The following PLEC variants were observed in gnomAD, a reference collection of about 807,000 sequenced individuals.
PLEC encodes the protein hemidesmosomal protein 1.
PLEC carries 216 observed loss-of-function variants against 392.8 expected under a neutral mutation model. The observed-to-expected ratio is 0.55, with a 90% CI of 0.49 to 0.62. PLEC has a LOEUF of 0.62. Ranked by LOEUF, PLEC falls within the 20% of genes least tolerant of loss-of-function variation. The probability of loss-of-function intolerance (pLI) is 0.00; values close to 1 mark genes in which losing one functional copy is unlikely to be tolerated. For missense variants in PLEC, 6,863 were observed against 6,563.4 expected (o/e 1.05, Z -1.58); for synonymous variants, 3,621 against 2,980.6 (o/e 1.21, Z -7.00).
chr8:143,926,678 G>A, intron 30 of PLEC, 106 bp downstream of exon 30: 1 of 938,242 alleles, frequency 1.1e-6, no homozygotes, highest in Non-Finnish European at 1.7e-6. Flanking sequence ...GGGGAGAGTG[G>A]GGAGGGCCAC....
At chr8:143,933,414 G>A (rs1256452538) in intron 12 of PLEC, 63 bp from the exon 13 acceptor site, 38 of 1,587,028 alleles carry the variant, frequency 2.4e-5, no homozygotes, top group Non-Finnish European at 3.1e-5. Flanking sequence ...CAGGGGCCCC[G>A]GCCAAGACGG....
rs1392153087 is a variant in PLEC at position 143,969,848 on chromosome 8, G to A, written c.70+3555C>T. ...GAGAGGGCAGCAGGGGTGAGAATGAGGCCGGGGTGAGTACCGTTGGTGAGT... is the reference window on the plus strand; with the variant it reads ...GAGAGGGCAGCAGGGGTGAGAATGAAGCCGGGGTGAGTACCGTTGGTGAGT... On this transcript the variant is annotated intron_variant, in intron 1 of 31. Coordinates refer to the PLEC transcript ENST00000356346. This position sits in a 1 kb window ranked among gnomAD's most constrained non-coding sequence, Gnocchi z 5.1. 6.6e-6 allele frequency among the ~76,000 whole-genome samples: 1 copy of A among 151,834 alleles called. No homozygotes were observed. Among genetic ancestry groups the A allele is most frequent in the African/African-American group, 2.4e-5 (1 of 41,306 alleles).
intron 1 of PLEC, chr8:143,946,488 A>G (rs1035036678): frequency 3.2e-5 from 29 of 909,734 alleles, no homozygotes; most frequent in African/African-American, 5.2e-5. Flanking sequence ...GGGCCCACTC[A>G]TGCCCTGGTA....
chr8:143,958,132 A>G (rs956158704), upstream of PLEC, among the ~76,000 whole-genome samples: 14 of 151,058 alleles, frequency 9.3e-5, no homozygotes, highest in Non-Finnish European at 7.4e-5. The surrounding 1 kb of genome is among the most constrained non-coding windows in gnomAD (Gnocchi z 4.9). Flanking sequence ...CCTTGGCCCA[A>G]CAACAGCCCG....
Position 143,919,453 on chromosome 8 carries a change from A to T in PLEC, c.10368T>A (p.Val3456=), listed in dbSNP as rs538384389. Residue 3456 remains valine (V), a synonymous_variant, in exon 32 of 32, where the codon GTT becomes GTA. Transcript: ENST00000345136. ...SLFQAMQKGL[V]LRQHGIRLLE... ...GCAGGCGGATGCCGTGCTGCCGGAG[A>T]ACCAGGCCCTTCTGCATGGCCTGGA... 5.1e-5 allele frequency: 83 copies of T among 1,613,178 alleles called. No homozygotes were observed. In the East Asian group the frequency reaches 6.2e-4, roughly 12 times the overall value.
At position 143,922,741 on chromosome 8, in the gene PLEC, C is replaced by T. The variant is rs374517570; in HGVS notation, c.7188G>A (p.Gln2396=). ...KLRVAEMSRA[Q]ARAEEDAQRF... is the part of the protein sequence containing the mutation. ...GCTGGGCGTCCTCCTCAGCGCGGGC[C>T]TGGGCTCGGCTCATCTCGGCCACAC... The change falls in exon 31 of 32, where the codon CAG becomes CAA. Residue 2396 remains glutamine (Q), a synonymous_variant. Coordinates refer to ENST00000345136, the MANE Select transcript of PLEC (RefSeq NM_201384.3). 59 of 1,610,492 alleles carry T rather than the reference C, an allele frequency of 3.7e-5. No individual in the cohort carries two copies. Among genetic ancestry groups the T allele is most frequent in the Non-Finnish European group, 7.6e-6 (9 of 1,179,620 alleles).
At chr8:143,950,803 G>T in exon 1 of PLEC, 1 of 1,511,856 alleles carries the variant, frequency 6.6e-7, no homozygotes, top group Non-Finnish European at 8.8e-7. Flanking sequence ...GCGCTACAGG[G>T]TGTGACAGCG....
intron 1 of PLEC, among the ~76,000 whole-genome samples, chr8:143,970,819 T>C (rs1833388506): frequency 6.6e-6 from 1 of 152,216 alleles, no homozygotes; most frequent in African/African-American, 2.4e-5. Context: ...CTCTATGAGC[T>C]GTCACAGGCC....
rs371511422 is a variant in PLEC, at chr8:143,927,448, C to T, written c.3718G>A (p.Asp1240Asn). The change falls in exon 27 of 32, where the codon GAC (aspartate) becomes AAC (asparagine). Residue 1240 changes from aspartate (D) to asparagine (N), a missense_variant. Asp to Asn is a conservative substitution (Grantham distance 23, BLOSUM62 1). Transcript: ENST00000345136. ...AGCTGCTCCCGCACAGCCTGGCTGT[C>T]GGCCAGCGGCATGGCCTGGATCTGC... Reference protein sequence around the residue: ...QEQIQAMPLADSQAVREQLRQ... With the variant: ...QEQIQAMPLANSQAVREQLRQ... 21 of 1,598,826 alleles carry T rather than the reference C, an allele frequency of 1.3e-5. No homozygotes were observed. The South Asian group carries it at 1.4e-4, about 11-fold the overall frequency.
In PLEC at chr8:143,919,332, C is replaced by A; in HGVS notation, c.10489G>T (p.Glu3497Ter). The change falls in exon 32 of 32, where the codon GAG becomes TAG. Residue 3497 changes from glutamate (E) to a stop codon, truncating the protein, a stop_gained. Coordinates refer to ENST00000345136, the MANE Select transcript of PLEC (RefSeq NM_201384.3). LOFTEE classifies it high-confidence loss of function. ...VAYQRGYFSE[E>*]MNRVLADPSD... ...GGGTCCGCCAGGACGCGGTTCATCT[C>A]CTCACTGAAGTAGCCGCGCTGGTAG... The A allele has an allele frequency of 6.2e-7, 1 of 1,613,970 alleles. No individual in the cohort carries two copies. The highest frequency in any genetic ancestry group is 8.5e-7 in the Non-Finnish European group (1 of 1,180,042).
At chr8:143,972,430 C>G (rs1463814573) in intron 1 of PLEC, among the ~76,000 whole-genome samples, 1 of 152,182 alleles carries the variant, frequency 6.6e-6, no homozygotes, top group African/African-American at 2.4e-5. Context: ...CTGGAGGACG[C>G]CTGAAGGAGA....
chr8:143,933,188 G>T lies in PLEC; in HGVS notation c.1418+9C>A. 6.2e-7 allele frequency: 1 copy of T among 1,611,878 alleles called. No individual in the cohort carries two copies. Among genetic ancestry groups the T allele is most frequent in the South Asian group, 1.1e-5 (1 of 91,024 alleles). ...ACCTGGGCTTCAGGGAGGGCAGGGC[G>T]GGGCCCACCTGCGGTACATCTGCTC... On this transcript the variant is annotated intron_variant, in intron 13 of 31. Transcript: ENST00000345136.
intron 2 of PLEC, 163 bp downstream of exon 2, chr8:143,938,468 G>A: frequency 6.5e-7 from 1 of 1,546,856 alleles, no homozygotes; most frequent in Non-Finnish European, 8.7e-7. Context: ...GAGAGAGGCA[G>A]GAGCAGGCGT....
rs368335274 is a variant in PLEC at position 143,921,803 on chromosome 8, G to A, written c.8018C>T (p.Ala2673Val). The change falls in exon 32 of 32, where the codon GCG becomes GTG. Residue 2673 changes from alanine (A) to valine (V), a missense_variant. By Grantham distance (64) the Ala-to-Val change is moderately conservative. Coordinates refer to ENST00000345136, the MANE Select transcript of PLEC (RefSeq NM_201384.3). The stretch of plus-strand genomic sequence containing the variant: ...CTCGTCCACCGTGGTGTGGCCCTGC[G>A]CCAACCGCTGCAGCTCCTCCGCACT... ...ILSAEELQRL[A>V]QGHTTVDELA... 1.1e-5 allele frequency: 18 copies of A among 1,609,280 alleles called. No individual in the cohort carries two copies. Among genetic ancestry groups the A allele is most frequent in the African/African-American group, 1.1e-4 (8 of 74,932 alleles).
rs1828374474 is a variant in PLEC, at chr8:143,934,410, A to T, written c.1077T>A (p.Pro359=). 1 of 1,611,736 alleles carries T rather than the reference A, an allele frequency of 6.2e-7. No homozygotes were observed. The highest frequency in any genetic ancestry group is 1.3e-5 in the African/African-American group (1 of 75,038). ...AVQAGQLKVP[P]GYHPLDVEKE... ...TCTCCACATCCAGCGGGTGGTAGCC[A>T]GGGGGCACCTTGAGCTGGCCTGCTT... The change falls in exon 11 of 32, where the codon CCT becomes CCA. Residue 359 remains proline, a synonymous_variant. Coordinates refer to ENST00000345136, the MANE Select transcript of PLEC (RefSeq NM_201384.3).
At position 143,920,074 on chromosome 8, in the gene PLEC, C is replaced by T. The variant is rs782264733; in HGVS notation, c.9747G>A (p.Arg3249=). The change falls in exon 32 of 32, where the codon AGG becomes AGA. Residue 3249 remains arginine, a synonymous_variant. Coordinates refer to ENST00000345136, the MANE Select transcript of PLEC (RefSeq NM_201384.3). ...VEVPVGGFKG[R]TVTVWELISS... ...TGATGAGCTCCCACACCGTCACCGT[C>T]CTGCCCTTGAAGCCACCCACGGGGA... The T allele has an allele frequency of 1.2e-6, 2 of 1,613,300 alleles. No homozygotes were observed. The highest frequency in any genetic ancestry group is 8.5e-7 in the Non-Finnish European group (1 of 1,180,042).
At position 143,920,748 on chromosome 8, in the gene PLEC, CGTT is replaced by C. The variant is rs1563979562; in HGVS notation, c.9070_9072del (p.Asn3024del). The C allele has an allele frequency of 1.2e-6, 2 of 1,605,206 alleles. No individual in the cohort carries two copies. Among genetic ancestry groups the C allele is most frequent in the East Asian group, 2.2e-5 (1 of 44,870 alleles). On this transcript the variant is annotated inframe_deletion, in exon 32 of 32. Transcript: ENST00000345136. The stretch of plus-strand genomic sequence containing the variant: ...TCCTCCAGCCATACACCCGCGATGA[CGTT>C]GGCACCCCGGAGAGCCCGCCGCACA...
chr8:143,924,658 C>A lies in PLEC; in HGVS notation c.5271G>T (p.Leu1757=). The change falls in exon 31 of 32, where the codon CTG becomes CTT. Residue 1757 remains leucine, a synonymous_variant. Transcript: ENST00000345136. ...CCTCCATCTCGGCCCGCACCTTGGC[C>A]AGCTCGGCTTCCAGCTCCTGCCGTT... The part of the protein sequence containing the change: ...TQKRQELEAE[L]AKVRAEMEVL... The A allele has an allele frequency of 6.5e-7, 1 of 1,536,476 alleles. No homozygotes were observed.
Position 143,938,399 on chromosome 8 carries a change from A to G in PLEC, c.175-159T>C, listed in dbSNP as rs782303780. ...CACACCCTGCCCCACGGAGGCACCTACCTCTGCCCGCCAGTGCTGCAAGGA... is the reference window on the plus strand; with the variant it reads ...CACACCCTGCCCCACGGAGGCACCTGCCTCTGCCCGCCAGTGCTGCAAGGA... On this transcript the variant is annotated intron_variant, in intron 2 of 31. Coordinates refer to ENST00000345136, the MANE Select transcript of PLEC (RefSeq NM_201384.3). 2.0e-6 allele frequency: 3 copies of G among 1,535,074 alleles called. No homozygotes were observed. In the South Asian group the frequency reaches 3.6e-5, roughly 18 times the overall value.
Sources: allele counts gnomAD v4.1 joint callset (sites outside exome capture counted in the v4.1 genomes callset), GRCh38; gene constraint gnomAD v4.1.1; non-coding constraint Gnocchi (gnomAD v3.1); transcripts MANE v1.5; gene names NCBI Gene and HGNC (gene_info 2026-07-23, HGNC 2026-07-21).